The following SV2B variants were observed in gnomAD, a reference collection of about 807,000 sequenced individuals.
SV2B encodes solute carrier family 22 member B2.
Under a neutral mutation model 73.9 loss-of-function variants are expected in SV2B, and 41 were observed. The ratio of observed to expected loss-of-function variants is 0.56; its 90% CI spans 0.43 to 0.72. The LOEUF (loss-of-function observed/expected upper bound fraction) is 0.72, where lower values mean the gene tolerates loss of function less well. SV2B is among the 30% of genes least tolerant of loss of function. The pLI is 0.00. For synonymous variants in SV2B, 314 were observed against 314.2 expected, an observed-to-expected ratio of 1.00 and a Z score of 0.01; for missense variants, 764 against 857.8, an observed-to-expected ratio of 0.89 and a Z score of 1.37.
intron 9 of SV2B, among the ~76,000 whole-genome samples, chr15:91,275,253 C>A (rs1241216559): frequency 6.6e-6 from 1 of 151,886 alleles, no homozygotes; most frequent in Non-Finnish European, 1.5e-5. Context: ...TTCCATTTTA[C>A]GTTCACTATT....
chr15:91,255,486 G>A (rs540736614), intron 4 of SV2B, among the ~76,000 whole-genome samples: 20 of 152,276 alleles, frequency 1.3e-4, no homozygotes, highest in African/African-American at 4.6e-4. Context: ...TGGGAAGGGG[G>A]TGAGGTATAA....
rs1394541861 is a variant in SV2B, at chr15:91,105,021, CTG to C, written c.-392+4660_-392+4661del. 6.6e-6 allele frequency among the ~76,000 whole-genome samples: 1 copy of C among 152,194 alleles called. No individual in the cohort carries two copies. Among genetic ancestry groups the C allele is most frequent in the Non-Finnish European group, 1.5e-5 (1 of 68,038 alleles). On this transcript the variant is annotated intron_variant, in intron 1 of 12. Transcript: ENST00000394232. This position sits in a 1 kb window ranked among gnomAD's most constrained non-coding sequence, Gnocchi z 5.5. ...GCAGAGCCTGTACTTGCTCTTGTGACTGTCTCTTTCTGTGTTTCTGTGGTTGA... is the reference window on the plus strand; with the variant it reads ...GCAGAGCCTGTACTTGCTCTTGTGACTCTCTTTCTGTGTTTCTGTGGTTGA...
chr15:91,249,631 T>C (rs944513580), intron 2 of SV2B, among the ~76,000 whole-genome samples: 2 of 152,030 alleles, frequency 1.3e-5, no homozygotes, highest in African/African-American at 4.8e-5. Context: ...TTAGCTAGAC[T>C]AAGGAAAAAA....
At chr15:91,144,643 A>G (rs1480307412) in intron 1 of SV2B, among the ~76,000 whole-genome samples, 2 of 152,218 alleles carry the variant, frequency 1.3e-5, no homozygotes, top group East Asian at 1.9e-4. Flanking sequence ...TGGCCAGCTC[A>G]GAGGCATTGA....
chr15:91,234,525 T>A lies in SV2B; in HGVS notation c.451+7811T>A, dbSNP rs78815860. Among the ~76,000 whole-genome samples the A allele has an allele frequency of 1.8e-4, 28 of 152,334 alleles. No individual in the cohort carries two copies. In the East Asian group the frequency reaches 5.4e-3, roughly 29 times the overall value. The stretch of plus-strand genomic sequence containing the variant: ...CAGTCTGACCTATGTAGACCTGTGG[T>A]ACTGGCTAGTTCATTGTGGCATTTT... On this transcript the variant is annotated intron_variant, in intron 2 of 12. Coordinates refer to ENST00000394232, the MANE Select transcript of SV2B (RefSeq NM_001323032.3). This position sits in a 1 kb window ranked among gnomAD's most constrained non-coding sequence, Gnocchi z 5.6.
chr15:91,282,030 G>T (rs979815187), intron 10 of SV2B, among the ~76,000 whole-genome samples, 169 bp downstream of exon 10: 1 of 152,196 alleles, frequency 6.6e-6, no homozygotes, highest in South Asian at 2.1e-4. Flanking sequence ...GCACAAATTA[G>T]GTGCACAGCC....
rs537918580 is a variant in SV2B at position 91,121,777 on chromosome 15, G to GTT, written c.-392+21428_-392+21429dup. Among the ~76,000 whole-genome samples the GTT allele has an allele frequency of 0.027, 3,721 of 139,208 alleles. 156 individuals carry two copies. The highest frequency in any genetic ancestry group is 0.09 in the African/African-American group (3,371 of 37,510). 91.3% of individuals were successfully genotyped at this position (139,208 alleles called of 152,430 possible). A position where few individuals can be genotyped will look rare whatever the true frequency, so the allele number is the denominator to read the frequency against. On this transcript the variant is annotated intron_variant, in intron 1 of 12. Coordinates refer to ENST00000394232, the MANE Select transcript of SV2B (RefSeq NM_001323032.3). The surrounding 1 kb of genome is among the most constrained non-coding windows in gnomAD (Gnocchi z 4.4). ...AACCATCTATTTATATATTAATAGT[G>GTT]TTTTTTTTTTTTTTTGAGATGGAGT...
rs146260394 is a variant in SV2B at position 91,227,681 on chromosome 15, G to A, written c.451+967G>A. 1.2e-3 allele frequency among the ~76,000 whole-genome samples: 183 copies of A among 152,288 alleles called. No individual in the cohort carries two copies. Among genetic ancestry groups the A allele is most frequent in the African/African-American group, 4.1e-3 (172 of 41,550 alleles). On this transcript the variant is annotated intron_variant, in intron 2 of 12. Transcript: ENST00000394232. The surrounding 1 kb of genome is among the most constrained non-coding windows in gnomAD (Gnocchi z 4.5). ...TCTTTTATTGGTTTACCTTATGCTA[G>A]ACTCTGTGCTCAGGATCTGGGAAGA...
rs2046275567 is a variant in SV2B, at chr15:91,223,330, G to A, written c.-391-2543G>A. 6.6e-6 allele frequency among the ~76,000 whole-genome samples: 1 copy of A among 152,170 alleles called. No homozygotes were observed. The highest frequency in any genetic ancestry group is 2.1e-4 in the South Asian group (1 of 4,832). The stretch of plus-strand genomic sequence containing the variant: ...CCAGTACCATTGAAAATGATTAATA[G>A]TTGTGTTTCTTAAATGAAATAGAAA... On this transcript the variant is annotated intron_variant, in intron 1 of 12. Transcript: ENST00000394232. The surrounding 1 kb of genome is among the most constrained non-coding windows in gnomAD (Gnocchi z 4.6).
chr15:91,111,931 C>T (rs77403698), intron 1 of SV2B, among the ~76,000 whole-genome samples: 10 of 152,068 alleles, frequency 6.6e-5, no homozygotes, highest in Middle Eastern at 3.4e-3. Context: ...CTCACTATTG[C>T]CAGGACAGCA....
intron 1 of SV2B, among the ~76,000 whole-genome samples, chr15:91,194,656 A>G (rs1009905479): frequency 3.9e-5 from 6 of 152,244 alleles, no homozygotes; most frequent in African/African-American, 1.4e-4. Flanking sequence ...CAGGAAACCC[A>G]TCAGGGATGC....
rs550013995 is a variant in SV2B, at chr15:91,159,320, G to A, written c.-392+58957G>A. On this transcript the variant is annotated intron_variant, in intron 1 of 12. Transcript: ENST00000394232. ...TACTAGGTATTTGGAGATAGGGTTG[G>A]AAGTGAATCTCTGGATAGTCAGATT... 2.0e-5 allele frequency among the ~76,000 whole-genome samples: 3 copies of A among 152,278 alleles called. No homozygotes were observed. In the South Asian group the frequency reaches 6.2e-4, roughly 32 times the overall value.
intron 9 of SV2B, among the ~76,000 whole-genome samples, chr15:91,275,253 C>T (rs1241216559): frequency 2.0e-5 from 3 of 151,886 alleles, no homozygotes; most frequent in Non-Finnish European, 2.9e-5. Flanking sequence ...TTCCATTTTA[C>T]GTTCACTATT....
At chr15:91,186,706 A>C (rs1482424483) in intron 1 of SV2B, among the ~76,000 whole-genome samples, 1 of 150,326 alleles carries the variant, frequency 6.7e-6, no homozygotes, top group African/African-American at 2.5e-5. Flanking sequence ...CTGGAGACTC[A>C]GAAGGCTGTG....
chr15:91,179,920 T>C (rs1159128112), intron 1 of SV2B, among the ~76,000 whole-genome samples: 1 of 151,494 alleles, frequency 6.6e-6, no homozygotes, highest in Non-Finnish European at 1.5e-5. Flanking sequence ...TATGTGTGAA[T>C]TTGATCCTGT....
chr15:91,199,821 G>T (rs1643196948), intron 1 of SV2B, among the ~76,000 whole-genome samples: 1 of 152,208 alleles, frequency 6.6e-6, no homozygotes, highest in African/African-American at 2.4e-5. Flanking sequence ...TCTCAGGCCT[G>T]TGTGATGATG....
chr15:91,126,257 C>T (rs2042479376), intron 1 of SV2B, among the ~76,000 whole-genome samples: 1 of 152,244 alleles, frequency 6.6e-6, no homozygotes. Context: ...AGCAGTGACT[C>T]ATCTGCTTCT....
Position 91,107,305 on chromosome 15 carries a change from A to G in SV2B, c.-392+6942A>G, listed in dbSNP as rs192852534. ...CATTACTTTATTTGTTTGTTTATTT[A>G]TTTATTTATTTATTTATTTATTTTT... On this transcript the variant is annotated intron_variant, in intron 1 of 12. Coordinates refer to ENST00000394232, the MANE Select transcript of SV2B (RefSeq NM_001323032.3). Among the ~76,000 whole-genome samples the G allele has an allele frequency of 3.7e-3, 262 of 70,656 alleles. 1 individual carries two copies. The highest frequency in any genetic ancestry group is 7.5e-3 in the Non-Finnish European group (174 of 23,148). The allele number at this position is 70,656 out of a possible 152,430, so 46.4% of individuals were successfully genotyped here. A position where few individuals can be genotyped will look rare whatever the true frequency, so the allele number is the denominator to read the frequency against.
rs191843748 is a variant in SV2B, at chr15:91,295,543, C to G, written c.*2991C>G. 5 of 152,162 alleles carry G rather than the reference C, an allele frequency of 3.3e-5. No homozygotes were observed. Among genetic ancestry groups the G allele is most frequent in the Non-Finnish European group, 7.4e-5 (5 of 68,014 alleles). The allele number at this position is 152,162 out of a possible 1,614,324, so 9.4% of individuals were successfully genotyped here. On this transcript the variant is annotated 3_prime_UTR_variant, in exon 13 of 13. Transcript: ENST00000394232. ...AACTTTTATTTTGCAACATGGGGAC[C>G]TTGAGAGGTTAAACGATGTGGCCCA...
Sources: allele counts gnomAD v4.1 joint callset (sites outside exome capture counted in the v4.1 genomes callset), GRCh38; gene constraint gnomAD v4.1.1; non-coding constraint Gnocchi (gnomAD v3.1); transcripts MANE v1.5; gene names NCBI Gene and HGNC (gene_info 2026-07-23, HGNC 2026-07-21).